FBLN1: variants seen among roughly 807,000 people sequenced by gnomAD.
The protein encoded by FBLN1 is fibulin 1.
A neutral mutation model predicts 89.7 loss-of-function variants in FBLN1; 34 were observed. The observed-to-expected ratio is 0.38, with a 90% CI of 0.29 to 0.50. FBLN1 has a LOEUF of 0.50. Ranked by LOEUF, FBLN1 falls within the 20% of genes least tolerant of loss-of-function variation. FBLN1 has a pLI of 0.92. For missense variants in FBLN1, 777 were observed against 988.1 expected, an observed-to-expected ratio of 0.79 and a Z score of 2.86; for synonymous variants, 393 against 391.3, an observed-to-expected ratio of 1.00 and a Z score of -0.05.
intron 14 of FBLN1, among the ~76,000 whole-genome samples, chr22:45,558,942 A>G (rs545982155): frequency 4.8e-4 from 73 of 152,354 alleles, no homozygotes; most frequent in African/African-American, 1.6e-3. Context: ...TCCAATCAGC[A>G]TAATGTCACC....
At chr22:45,517,163 A>C (rs2088180636) in intron 1 of FBLN1, among the ~76,000 whole-genome samples, 1 of 152,220 alleles carries the variant, frequency 6.6e-6, no homozygotes, top group South Asian at 2.1e-4. Flanking sequence ...CAGGGCACCC[A>C]CAGTTGTGTG....
Position 45,546,951 on chromosome 22 carries a change from C to T in FBLN1, c.1322-134C>T, listed in dbSNP as rs560292759. The T allele has an allele frequency of 3.7e-4, 524 of 1,415,174 alleles. 6 individuals are homozygous for T. In the East Asian group the frequency reaches 0.011, roughly 29 times the overall value. 87.7% of individuals were successfully genotyped at this position (1,415,174 alleles called of 1,614,324 possible). The stretch of plus-strand genomic sequence containing the variant: ...ACGCCTCTCCCTCGGCCACACCCCC[C>T]GGGACCTCTGTCTCTCCGAGTGTGT... On this transcript the variant is annotated intron_variant, in intron 11 of 16. Transcript: ENST00000327858.
At chr22:45,554,836 GA>G (rs2088758191) in intron 14 of FBLN1, among the ~76,000 whole-genome samples, 1 of 152,198 alleles carries the variant, frequency 6.6e-6, no homozygotes, top group Non-Finnish European at 1.5e-5. Flanking sequence ...CACAGGAGAC[GA>G]CCCCTGTCCC....
rs5764792 is a variant in FBLN1, at chr22:45,581,716, C to T, written c.1972+4608C>T. ...CCATGGGGCAGTCAGGGGAGGCTTC[C>T]TGGAAGAGGTCACACACATTCTGGG... On this transcript the variant is annotated intron_variant, in intron 16 of 16. Coordinates refer to ENST00000327858, the MANE Select transcript of FBLN1 (RefSeq NM_006486.3). This position sits in a 1 kb window ranked among gnomAD's most constrained non-coding sequence, Gnocchi z 7.6. Among the ~76,000 whole-genome samples the T allele has an allele frequency of 0.36, 54,252 of 151,754 alleles. 11,579 individuals are homozygous for T. Among genetic ancestry groups the T allele is most frequent in the Admixed American group, 0.52 (7,909 of 15,252 alleles).
Position 45,534,292 on chromosome 22 carries a change from C to CAAAAAA in FBLN1, c.784+417_784+422dup, listed in dbSNP as rs136746. The stretch of plus-strand genomic sequence containing the variant: ...TTCAGGTTCTCACATGTACTTTCTA[C>CAAAAAA]AAAAAAAAAAAAAAAAAAAAAAAAA... On this transcript the variant is annotated intron_variant, in intron 7 of 16. Coordinates refer to ENST00000327858, the MANE Select transcript of FBLN1 (RefSeq NM_006486.3). 4.0e-4 allele frequency among the ~76,000 whole-genome samples: 33 copies of CAAAAAA among 83,228 alleles called. 1 individual carries two copies. The highest frequency in any genetic ancestry group is 0.011 in the Middle Eastern group (1 of 90). 54.6% of individuals were successfully genotyped at this position (83,228 alleles called of 152,430 possible). A position where few individuals can be genotyped will look rare whatever the true frequency, so the allele number is the denominator to read the frequency against.
chr22:45,592,214 G>A (rs781213787), intron 16 of FBLN1, among the ~76,000 whole-genome samples: 4 of 152,188 alleles, frequency 2.6e-5, no homozygotes, highest in Admixed American at 6.5e-5. Context: ...TGCGGCTGTG[G>A]GCACATAGGG....
Position 45,576,876 on chromosome 22 carries a change from GTTAGGT to G in FBLN1, c.1841-100_1841-95del. 6.9e-7 allele frequency: 1 copy of G among 1,440,358 alleles called. No homozygotes were observed. Among genetic ancestry groups the G allele is most frequent in the Non-Finnish European group, 9.6e-7 (1 of 1,041,196 alleles). The allele number at this position is 1,440,358 out of a possible 1,614,324, so 89.2% of individuals were successfully genotyped here. A position where few individuals can be genotyped will look rare whatever the true frequency, so the allele number is the denominator to read the frequency against. ...ATGTTGTCTCATGAAAGGGCCCTGG[GTTAGGT>G]CTTCATTCCCCAAGGGTGAGTTCCT... On this transcript the variant is annotated intron_variant, in intron 15 of 16. Coordinates refer to ENST00000327858, the MANE Select transcript of FBLN1 (RefSeq NM_006486.3). This position sits in a 1 kb window ranked among gnomAD's most constrained non-coding sequence, Gnocchi z 5.2.
intron 16 of FBLN1, among the ~76,000 whole-genome samples, chr22:45,591,495 G>A (rs548450889): frequency 1.3e-5 from 2 of 152,142 alleles, no homozygotes; most frequent in African/African-American, 4.8e-5. Flanking sequence ...TTAGCTCACG[G>A]GAGACCTGCG....
In FBLN1 at chr22:45,573,789, G is replaced by A. The variant is rs189996475; in HGVS notation, c.1698-722G>A. Among the ~76,000 whole-genome samples the A allele has an allele frequency of 3.0e-4, 46 of 152,154 alleles. No individual in the cohort carries two copies. The East Asian group carries it at 4.6e-3, about 15-fold the overall frequency. ...GAGTTCTGTCTGGCAGTTGCGGGGC[G>A]TTTGGTGGCTGGCCAAGTTCTCTTT... On this transcript the variant is annotated intron_variant, in intron 14 of 16. Transcript: ENST00000327858.
Position 45,556,964 on chromosome 22 carries a change from G to C in FBLN1, c.1697+6349G>C, listed in dbSNP as rs967617404. 4.6e-5 allele frequency among the ~76,000 whole-genome samples: 7 copies of C among 152,134 alleles called. No homozygotes were observed. The highest frequency in any genetic ancestry group is 1.7e-4 in the African/African-American group (7 of 41,414). On this transcript the variant is annotated intron_variant, in intron 14 of 16. Coordinates refer to ENST00000327858, the MANE Select transcript of FBLN1 (RefSeq NM_006486.3). The surrounding 1 kb of genome is among the most constrained non-coding windows in gnomAD (Gnocchi z 4.6). The stretch of plus-strand genomic sequence containing the variant: ...GTGAATCCTGGCTATGGGAGAAACA[G>C]TGCCATAATATTGGACCCTGATTCA...
chr22:45,580,834 G>T lies in FBLN1; in HGVS notation c.1972+3726G>T, dbSNP rs546536692. Among the ~76,000 whole-genome samples, 2 of 152,354 alleles carry T rather than the reference G, an allele frequency of 1.3e-5. No individual in the cohort carries two copies. Among genetic ancestry groups the T allele is most frequent in the African/African-American group, 4.8e-5 (2 of 41,584 alleles). ...CCGAGTCCACTAAGAACCTGCAAGG[G>T]CCGGGTCGTCCTCTAATGTAGCCTT... On this transcript the variant is annotated intron_variant, in intron 16 of 16. Coordinates refer to ENST00000327858, the MANE Select transcript of FBLN1 (RefSeq NM_006486.3). This position sits in a 1 kb window ranked among gnomAD's most constrained non-coding sequence, Gnocchi z 8.6.
In FBLN1 at chr22:45,600,470, A is replaced by G. The variant is rs1446928962; in HGVS notation, c.*24A>G. ...GAGGGCTGGTCTGCCGCACAGCCGC[A>G]GGTGCACCTCCAGGCCAAATCATTG... On this transcript the variant is annotated 3_prime_UTR_variant, in exon 17 of 17. Coordinates refer to ENST00000327858, the MANE Select transcript of FBLN1 (RefSeq NM_006486.3). 3.1e-6 allele frequency: 5 copies of G among 1,613,854 alleles called. No individual in the cohort carries two copies. Among genetic ancestry groups the G allele is most frequent in the Non-Finnish European group, 4.2e-6 (5 of 1,179,876 alleles).
Position 45,553,929 on chromosome 22 carries a change from C to T in FBLN1, c.1697+3314C>T, listed in dbSNP as rs545374047. ...AAGCCGAAATCCCACCAGGGCGACTCTAGCGCCACCTGCTGACCAGCCCCA... is the reference window on the plus strand; with the variant it reads ...AAGCCGAAATCCCACCAGGGCGACTTTAGCGCCACCTGCTGACCAGCCCCA... On this transcript the variant is annotated intron_variant, in intron 14 of 16. Coordinates refer to ENST00000327858, the MANE Select transcript of FBLN1 (RefSeq NM_006486.3). Among the ~76,000 whole-genome samples the T allele has an allele frequency of 1.2e-4, 18 of 152,376 alleles. No individual in the cohort carries two copies. In the East Asian group the frequency reaches 3.5e-3, roughly 29 times the overall value.
intron 11 of FBLN1, among the ~76,000 whole-genome samples, chr22:45,544,267 A>T (rs1164172213): frequency 1.3e-5 from 2 of 152,088 alleles, no homozygotes; most frequent in East Asian, 3.9e-4. Flanking sequence ...TTGTATTTTT[A>T]GTAGAGACAG....
chr22:45,519,391 T>A (rs1314930015), intron 2 of FBLN1, among the ~76,000 whole-genome samples: 2 of 150,484 alleles, frequency 1.3e-5, no homozygotes, highest in South Asian at 2.1e-4. Flanking sequence ...GAGGCCGAGG[T>A]GGGTGGATCA....
At chr22:45,520,918 C>T (rs136724) in intron 2 of FBLN1, among the ~76,000 whole-genome samples, 67,920 of 151,900 alleles carry the variant, frequency 0.45, 16,027 homozygotes, top group East Asian at 0.76. Context: ...TAGATTCAGG[C>T]GATTCTCCTG....
intron 7 of FBLN1, among the ~76,000 whole-genome samples, chr22:45,534,419 A>G (rs1234866244): frequency 6.6e-6 from 1 of 152,144 alleles, no homozygotes; most frequent in African/African-American, 2.4e-5. Flanking sequence ...TCCACTGCAT[A>G]AACACATGGC....
At position 45,574,864 on chromosome 22, in the gene FBLN1, C is replaced by T. The variant is rs1239700932; in HGVS notation, c.1840+211C>T. On this transcript the variant is annotated intron_variant, in intron 15 of 16. Coordinates refer to ENST00000327858, the MANE Select transcript of FBLN1 (RefSeq NM_006486.3). The surrounding 1 kb of genome is among the most constrained non-coding windows in gnomAD (Gnocchi z 4.1). ...TGGTGCCATCTCGGCTCACTGCAAG[C>T]TCCACCTCCCGGGTTCACGCCATTC... Among the ~76,000 whole-genome samples the T allele has an allele frequency of 6.7e-6, 1 of 149,826 alleles. No homozygotes were observed. Among genetic ancestry groups the T allele is most frequent in the Non-Finnish European group, 1.5e-5 (1 of 67,772 alleles).
chr22:45,594,012 T>C (rs973923912), intron 16 of FBLN1, among the ~76,000 whole-genome samples: 1 of 152,086 alleles, frequency 6.6e-6, no homozygotes, highest in African/African-American at 2.4e-5. Context: ...CCAGGTGACA[T>C]AGGGGGTCCA....
Sources: allele counts gnomAD v4.1 joint callset (sites outside exome capture counted in the v4.1 genomes callset), GRCh38; gene constraint gnomAD v4.1.1; non-coding constraint Gnocchi (gnomAD v3.1); transcripts MANE v1.5; gene names NCBI Gene and HGNC (gene_info 2026-07-23, HGNC 2026-07-21).